POFUT3: variants seen among roughly 807,000 people sequenced by gnomAD.
POFUT3 encodes the protein protein O-fucosyltransferase 3, also known as GDP-fucose protein O-fucosyltransferase 3.
At chr8:33,389,327 G>T in the POFUT3 span, 1 of 1,614,110 alleles carries the variant, frequency 6.2e-7, no homozygotes, top group Non-Finnish European at 8.5e-7. Flanking sequence ...ATCACAAACT[G>T]CATTCTCAAA....
the POFUT3 span, among the ~76,000 whole-genome samples, chr8:33,374,907 T>A: frequency 6.7e-6 from 1 of 150,320 alleles, no homozygotes; most frequent in Non-Finnish European, 1.5e-5. Context: ...AGAATCTCGC[T>A]TTGTCTCCCA....
chr8:33,442,487 T>C, the POFUT3 span, among the ~76,000 whole-genome samples: 1 of 151,636 alleles, frequency 6.6e-6, no homozygotes, highest in Admixed American at 6.6e-5. Flanking sequence ...GGTTTCACCA[T>C]GTTAGCCAGG....
the POFUT3 span, among the ~76,000 whole-genome samples, chr8:33,322,786 G>C: frequency 3.9e-5 from 6 of 152,158 alleles, no homozygotes; most frequent in Non-Finnish European, 7.4e-5. Flanking sequence ...AGGCAGATTT[G>C]GTTTAGAGGC....
the POFUT3 span, among the ~76,000 whole-genome samples, chr8:33,455,009 C>T: frequency 6.6e-6 from 1 of 152,142 alleles, no homozygotes; most frequent in African/African-American, 2.4e-5. Context: ...AATTACCTGA[C>T]TACTACTAGA....
chr8:33,437,358 A>G, the POFUT3 span, among the ~76,000 whole-genome samples: 1 of 152,006 alleles, frequency 6.6e-6, no homozygotes, highest in African/African-American at 2.4e-5. Context: ...AGCATCGGTC[A>G]CACAGCAGAG....
At chr8:33,397,127 TCAAA>T in the POFUT3 span, among the ~76,000 whole-genome samples, 2 of 152,234 alleles carry the variant, frequency 1.3e-5, no homozygotes, top group African/African-American at 4.8e-5. Context: ...TTCACAAAAC[TCAAA>T]CAACTTCTAG....
At chr8:33,412,948 C>A in the POFUT3 span, among the ~76,000 whole-genome samples, 3 of 152,058 alleles carry the variant, frequency 2.0e-5, no homozygotes, top group Admixed American at 6.6e-5. Flanking sequence ...TCTTAAGAGA[C>A]CCTGGGCACC....
chr8:33,379,268 A>G, the POFUT3 span, among the ~76,000 whole-genome samples: 11 of 152,060 alleles, frequency 7.2e-5, no homozygotes, highest in Non-Finnish European at 4.4e-5. Flanking sequence ...AAAATGGAGT[A>G]ATACACATCC....
the POFUT3 span, among the ~76,000 whole-genome samples, chr8:33,433,485 G>A: frequency 1.0e-3 from 151 of 149,068 alleles, 2 homozygotes; most frequent in African/African-American, 3.4e-3. Context: ...GGTGGCAGGC[G>A]CCTGTAGTCC....
At chr8:33,324,440 T>C in the POFUT3 span, among the ~76,000 whole-genome samples, 1 of 152,104 alleles carries the variant, frequency 6.6e-6, no homozygotes, top group Admixed American at 6.5e-5. Flanking sequence ...TAAGATAATC[T>C]CAAATGTCCA....
the POFUT3 span, chr8:33,372,685 A>T: frequency 0.019 from 30,953 of 1,614,026 alleles, 985 homozygotes; most frequent in East Asian, 0.13. Context: ...CAAAGCTGGA[A>T]ATCCACATCT....
At chr8:33,436,985 TTA>T in the POFUT3 span, among the ~76,000 whole-genome samples, 4 of 152,076 alleles carry the variant, frequency 2.6e-5, no homozygotes, top group Non-Finnish European at 1.5e-5. Flanking sequence ...CTATGTTGAG[TTA>T]CCACTTATAA....
chr8:33,451,569 T>C, the POFUT3 span, among the ~76,000 whole-genome samples: 1 of 152,068 alleles, frequency 6.6e-6, no homozygotes, highest in Non-Finnish European at 1.5e-5. Context: ...TATGTGTATA[T>C]ATGTATGTGT....
At chr8:33,370,169 TAAAAAAAAAAAAA>T in the POFUT3 span, among the ~76,000 whole-genome samples, 314 of 39,894 alleles carry the variant, frequency 7.9e-3, 3 homozygotes, top group African/African-American at 0.019. Flanking sequence ...CCATCTTTAC[TAAAAAAAAAAAAA>T]AAAAAAAAAA....
the POFUT3 span, among the ~76,000 whole-genome samples, chr8:33,429,245 C>T: frequency 1.3e-5 from 2 of 152,178 alleles, no homozygotes; most frequent in African/African-American, 2.4e-5. Flanking sequence ...GCAGTACTCT[C>T]GGACCCAAGG....
the POFUT3 span, among the ~76,000 whole-genome samples, chr8:33,344,999 A>C: frequency 6.6e-6 from 1 of 152,232 alleles, no homozygotes; most frequent in Non-Finnish European, 1.5e-5. Flanking sequence ...AAATCAAAAT[A>C]AAGATTGAAT....
the POFUT3 span, among the ~76,000 whole-genome samples, chr8:33,392,847 G>A: frequency 6.6e-6 from 1 of 152,102 alleles, no homozygotes; most frequent in African/African-American, 2.4e-5. Flanking sequence ...AGCTGGGCAT[G>A]GTGGTGCATG....
the POFUT3 span, among the ~76,000 whole-genome samples, chr8:33,350,141 C>T: frequency 6.6e-6 from 1 of 151,778 alleles, no homozygotes; most frequent in Non-Finnish European, 1.5e-5. Context: ...TTGATGAGTT[C>T]CTTGTAGATT....
At chr8:33,340,610 A>G in the POFUT3 span, among the ~76,000 whole-genome samples, 1 of 152,164 alleles carries the variant, frequency 6.6e-6, no homozygotes, top group African/African-American at 2.4e-5. Flanking sequence ...TATCATTTAA[A>G]CATTAATCAA....
Sources: allele counts gnomAD v4.1 joint callset (sites outside exome capture counted in the v4.1 genomes callset), GRCh38; gene constraint gnomAD v4.1.1; transcripts MANE v1.5; gene names NCBI Gene and HGNC (gene_info 2026-07-23, HGNC 2026-07-21).